Variants in ITGB3BP observed in about 807,000 individuals in gnomAD.
The protein encoded by ITGB3BP is centromere protein R.
ITGB3BP carries 27 observed loss-of-function variants against 29.1 expected under a neutral mutation model. That is an observed-to-expected ratio of 0.93 (90% confidence interval 0.68 to 1.28). ITGB3BP has a LOEUF of 1.28. Ranked by LOEUF, ITGB3BP falls within the 50% of genes most tolerant of loss-of-function variation. The probability of loss-of-function intolerance (pLI) is 0.00; values close to 1 mark genes in which losing one functional copy is unlikely to be tolerated. For synonymous variants in ITGB3BP, 61 were observed against 61.4 expected (o/e 0.99, Z 0.03); for missense variants, 192 against 200.2 (o/e 0.96, Z 0.25).
intron 4 of ITGB3BP, among the ~76,000 whole-genome samples, chr1:63,463,354 T>A (rs1224405267): frequency 6.6e-6 from 1 of 151,142 alleles, no homozygotes; most frequent in Non-Finnish European, 1.5e-5. Context: ...AATCTACACG[T>A]GATAAAATTG....
At chr1:63,474,222 G>C (rs1276599497) in intron 4 of ITGB3BP, among the ~76,000 whole-genome samples, 3,355 of 99,216 alleles carry the variant, frequency 0.034, no homozygotes, top group Admixed American at 0.045. Flanking sequence ...CCCCTACTGG[G>C]AAGTGAGGAG....
At position 63,523,223 on chromosome 1, in the gene ITGB3BP, C is replaced by A. The variant is rs190572268; in HGVS notation, c.-90G>T. The stretch of plus-strand genomic sequence containing the variant: ...AAATCCGCCAAAGGAAACGCCAAGG[C>A]ATGAAAAGCGCGCGCTGGACGTTGC... On this transcript the variant is annotated 5_prime_UTR_variant, in exon 1 of 9. It removes an upstream start codon present in the reference 5' UTR. Coordinates refer to ENST00000271002, the MANE Select transcript of ITGB3BP (RefSeq NM_014288.5). The A allele has an allele frequency of 8.8e-5, 139 of 1,575,980 alleles. No homozygotes were observed. Among genetic ancestry groups the A allele is most frequent in the Admixed American group, 6.2e-4 (37 of 59,494 alleles).
chr1:63,484,938 C>T (rs1189468491), intron 3 of ITGB3BP, among the ~76,000 whole-genome samples: 1 of 151,920 alleles, frequency 6.6e-6, no homozygotes, highest in Non-Finnish European at 1.5e-5. Context: ...AGTGGTGAAT[C>T]TTTCTCTATC....
chr1:63,462,185 G>GT (rs1645028665), intron 4 of ITGB3BP, among the ~76,000 whole-genome samples: 1 of 152,066 alleles, frequency 6.6e-6, no homozygotes, highest in Non-Finnish European at 1.5e-5. Context: ...TAGTGTACAA[G>GT]TTTTTTACCT....
chr1:63,471,223 G>T (rs1410678314), intron 4 of ITGB3BP, among the ~76,000 whole-genome samples: 1 of 144,026 alleles, frequency 6.9e-6, no homozygotes. Context: ...CCCTTTTATT[G>T]TTGGCATTTT....
intron 4 of ITGB3BP, among the ~76,000 whole-genome samples, chr1:63,472,067 T>C (rs1183512487): frequency 6.6e-6 from 1 of 151,724 alleles, no homozygotes; most frequent in Non-Finnish European, 1.5e-5. Flanking sequence ...TTTTTTTTTT[T>C]TTTTAAATCT....
At chr1:63,449,372 T>C (rs1488720384) in intron 7 of ITGB3BP, 1 of 152,418 alleles carries the variant, frequency 6.6e-6, no homozygotes, top group African/African-American at 2.4e-5. Context: ...TAAAATTTTT[T>C]CTACTGATTT....
chr1:63,483,806 A>AG, intron 3 of ITGB3BP, among the ~76,000 whole-genome samples: 1 of 152,190 alleles, frequency 6.6e-6, no homozygotes, highest in Non-Finnish European at 1.5e-5. Flanking sequence ...TAAATACACC[A>AG]ATACCATTAT....
chr1:63,497,617 G>A (rs921347165), intron 2 of ITGB3BP, among the ~76,000 whole-genome samples: 4 of 152,164 alleles, frequency 2.6e-5, no homozygotes, highest in Admixed American at 6.5e-5. Context: ...CTTTTATATA[G>A]GTGCAAAAAA....
intron 4 of ITGB3BP, among the ~76,000 whole-genome samples, chr1:63,456,715 T>G (rs1363466677): frequency 6.6e-6 from 1 of 152,182 alleles, no homozygotes; most frequent in Non-Finnish European, 1.5e-5. Flanking sequence ...CTGATGGTAC[T>G]CCCTGTTAAC....
chr1:63,523,244 G>T (rs182484130), upstream of ITGB3BP: 1,072 of 1,452,594 alleles, frequency 7.4e-4, 4 homozygotes, highest in African/African-American at 0.013. Flanking sequence ...CGCGCTGGAC[G>T]TTGCGTCAAG....
At chr1:63,521,978 T>TAGGCAAG (rs1646459745) in intron 1 of ITGB3BP, among the ~76,000 whole-genome samples, 5 of 152,234 alleles carry the variant, frequency 3.3e-5, no homozygotes, top group Admixed American at 2.6e-4. Flanking sequence ...TGGATGATTT[T>TAGGCAAG]TCTAATGCAA....
chr1:63,499,406 C>T (rs1645870424), intron 2 of ITGB3BP, among the ~76,000 whole-genome samples: 1 of 152,054 alleles, frequency 6.6e-6, no homozygotes, highest in African/African-American at 2.4e-5. Flanking sequence ...CTGCCTGGGC[C>T]TCCCAAAGTG....
At chr1:63,514,712 C>A (rs1008708724) in intron 1 of ITGB3BP, among the ~76,000 whole-genome samples, 1 of 152,022 alleles carries the variant, frequency 6.6e-6, no homozygotes, top group African/African-American at 2.4e-5. Context: ...CTTTGGGAGG[C>A]CAAGGTGGGC....
chr1:63,454,261 T>C lies in ITGB3BP; in HGVS notation c.427+119A>G, dbSNP rs990095397. On this transcript the variant is annotated intron_variant, in intron 6 of 8. Transcript: ENST00000271002. The surrounding 1 kb of genome is among the most constrained non-coding windows in gnomAD (Gnocchi z 4.1). ...GTGGCTTCTTATTTAAAGAAGGTAA[T>C]AGTATTTTTATCACATGTCCAGTAA... The C allele has an allele frequency of 7.9e-6, 4 of 505,860 alleles. No homozygotes were observed. The highest frequency in any genetic ancestry group is 1.4e-5 in the Non-Finnish European group (4 of 283,234). 31.3% of individuals were successfully genotyped at this position (505,860 alleles called of 1,614,324 possible). A position where few individuals can be genotyped will look rare whatever the true frequency, so the allele number is the denominator to read the frequency against.
intron 3 of ITGB3BP, among the ~76,000 whole-genome samples, chr1:63,488,374 AG>A (rs1438707275): frequency 2.0e-5 from 3 of 152,126 alleles, no homozygotes; most frequent in South Asian, 2.1e-4. Context: ...TGTCATGATA[AG>A]GGTTTTGGAT....
chr1:63,508,270 A>G (rs1193835996), intron 2 of ITGB3BP, among the ~76,000 whole-genome samples: 1 of 152,146 alleles, frequency 6.6e-6, no homozygotes, highest in Non-Finnish European at 1.5e-5. Context: ...AATTTCTACT[A>G]AATTATTTCA....
At position 63,500,720 on chromosome 1, in the gene ITGB3BP, C is replaced by T. The variant is rs185116781; in HGVS notation, c.48+7808G>A. Among the ~76,000 whole-genome samples the T allele has an allele frequency of 1.4e-3, 219 of 152,166 alleles. 1 individual carries two copies. Among genetic ancestry groups the T allele is most frequent in the African/African-American group, 5.2e-3 (214 of 41,516 alleles). On this transcript the variant is annotated intron_variant, in intron 2 of 8. Coordinates refer to ENST00000271002, the MANE Select transcript of ITGB3BP (RefSeq NM_014288.5). ...ATTGCAAATTTCCCAACTGAATCTG[C>T]AAATTTGATGTAATCCTTATCAAAA...
In ITGB3BP at chr1:63,446,847, T is replaced by A; in HGVS notation, c.494A>T (p.His165Leu). 2 of 1,610,546 alleles carry A rather than the reference T, an allele frequency of 1.2e-6. No individual in the cohort carries two copies. Among genetic ancestry groups the A allele is most frequent in the South Asian group, 2.2e-5 (2 of 90,902 alleles). ...TTTAAGGAATTCATAGCTGTCAAGA[T>A]GACGTGATGCTATATGAAAGAAGAA... ...STGLPHKASR[H>L]LDSYEFLKAI... is the part of the protein sequence containing the mutation. Residue 165 changes from histidine (H) to leucine (L), a missense_variant, in exon 8 of 9, where the codon CAT becomes CTT. Physicochemically the swap from His to Leu is moderately conservative, Grantham distance 99 (BLOSUM62 -3). Transcript: ENST00000271002.
Sources: allele counts gnomAD v4.1 joint callset (sites outside exome capture counted in the v4.1 genomes callset), GRCh38; gene constraint gnomAD v4.1.1; non-coding constraint Gnocchi (gnomAD v3.1); transcripts MANE v1.5; gene names NCBI Gene and HGNC (gene_info 2026-07-23, HGNC 2026-07-21).